Variants in KCNN2 observed in about 807,000 individuals in gnomAD.
KCNN2 encodes potassium calcium-activated channel subfamily N member 2.
A neutral mutation model predicts 55.5 loss-of-function variants in KCNN2; 24 were observed. The ratio of observed to expected loss-of-function variants is 0.43; its 90% CI spans 0.31 to 0.61. The LOEUF is 0.61. KCNN2 is among the 20% of genes least tolerant of loss of function. The probability of loss-of-function intolerance (pLI) is 0.08; values close to 1 mark genes in which losing one functional copy is unlikely to be tolerated. For missense variants in KCNN2, 754 were observed against 853.6 expected, an observed-to-expected ratio of 0.88 and a Z score of 1.45; for synonymous variants, 431 against 336.1, an observed-to-expected ratio of 1.28 and a Z score of -3.09.
intron 2 of KCNN2, among the ~76,000 whole-genome samples, chr5:114,326,874 C>A (rs1054641875): frequency 4.6e-5 from 7 of 152,108 alleles, no homozygotes; most frequent in African/African-American, 1.7e-4. Context: ...TCTGTTGCTG[C>A]TAATAGTGTA....
intron 2 of KCNN2, among the ~76,000 whole-genome samples, chr5:114,276,083 T>C (rs1468435419): frequency 1.3e-5 from 2 of 152,212 alleles, no homozygotes; most frequent in African/African-American, 2.4e-5. Flanking sequence ...CATTTCGTTA[T>C]GTATCCAGTA....
At chr5:114,162,030 T>G (rs1752797421) in intron 1 of KCNN2, among the ~76,000 whole-genome samples, 1 of 152,240 alleles carries the variant, frequency 6.6e-6, no homozygotes, top group Admixed American at 6.5e-5. Context: ...TCCAGCTTTG[T>G]TCCATTGCTG....
At chr5:114,274,356 T>G in intron 2 of KCNN2, among the ~76,000 whole-genome samples, 1 of 152,224 alleles carries the variant, frequency 6.6e-6, no homozygotes, top group East Asian at 1.9e-4. Flanking sequence ...AAAGTAGTTT[T>G]TTCCAATTTT....
chr5:114,237,073 C>A (rs530817439), intron 2 of KCNN2, among the ~76,000 whole-genome samples: 72 of 152,114 alleles, frequency 4.7e-4, no homozygotes, highest in Non-Finnish European at 9.0e-4. Context: ...TATACATGTG[C>A]AAGGGATTCT....
intron 3 of KCNN2, among the ~76,000 whole-genome samples, chr5:114,449,006 G>A (rs560807678): frequency 8.5e-5 from 13 of 152,226 alleles, no homozygotes; most frequent in Middle Eastern, 3.4e-3. Flanking sequence ...CCCTCGGCCT[G>A]CCACCCTGGA....
chr5:114,349,958 G>A (rs187106822), intron 2 of KCNN2, among the ~76,000 whole-genome samples: 1 of 151,952 alleles, frequency 6.6e-6, no homozygotes, highest in African/African-American at 2.4e-5. Flanking sequence ...TGGGTGTGAA[G>A]TATCAAATTG....
intron 1 of KCNN2, among the ~76,000 whole-genome samples, chr5:114,095,948 A>G (rs995156440): frequency 2.0e-5 from 3 of 152,102 alleles, no homozygotes; most frequent in African/African-American, 7.2e-5. Flanking sequence ...GCATATCAGT[A>G]TTACATTTAT....
chr5:114,073,477 T>A (rs1029508516), intron 1 of KCNN2, among the ~76,000 whole-genome samples: 2 of 152,212 alleles, frequency 1.3e-5, no homozygotes, highest in Non-Finnish European at 2.9e-5. Flanking sequence ...CTTATTGTTG[T>A]AATAATCTTT....
At position 114,473,175 on chromosome 5, in the gene KCNN2, A is replaced by T. The variant is rs748394221; in HGVS notation, c.1890+11A>T. 72 of 1,422,330 alleles carry T rather than the reference A, an allele frequency of 5.1e-5. No individual in the cohort carries two copies. Among genetic ancestry groups the T allele is most frequent in the Non-Finnish European group, 6.9e-5 (70 of 1,009,886 alleles). 88.1% of individuals were successfully genotyped at this position (1,422,330 alleles called of 1,614,324 possible). Reference sequence around the variant, plus strand: ...CAGCTGACTAAAAGAGTAAGTTACTATCCATATATCTTCAAAGAGAATATT... The same window carrying T: ...CAGCTGACTAAAAGAGTAAGTTACTTTCCATATATCTTCAAAGAGAATATT... On this transcript the variant is annotated intron_variant, in intron 5 of 7. Transcript: ENST00000673685.
At chr5:114,323,465 A>G (rs149187070) in intron 2 of KCNN2, among the ~76,000 whole-genome samples, 8 of 152,236 alleles carry the variant, frequency 5.3e-5, no homozygotes, top group African/African-American at 1.9e-4. Flanking sequence ...TTAAATCTTT[A>G]AAGATAATAA....
At chr5:114,284,299 T>A (rs1755687648) in intron 2 of KCNN2, among the ~76,000 whole-genome samples, 1 of 152,202 alleles carries the variant, frequency 6.6e-6, no homozygotes, top group Non-Finnish European at 1.5e-5. Context: ...TATGCCATTA[T>A]CAGAGTGAAA....
At chr5:114,492,743 C>A (rs1179966195) in intron 6 of KCNN2, among the ~76,000 whole-genome samples, 1 of 152,006 alleles carries the variant, frequency 6.6e-6, no homozygotes, top group African/African-American at 2.4e-5. Flanking sequence ...TTTATCTACA[C>A]TGAAAATGGG....
At position 114,289,229 on chromosome 5, in the gene KCNN2, G is replaced by A. The variant is rs543569984; in HGVS notation, c.-185+67664G>A. Among the ~76,000 whole-genome samples the A allele has an allele frequency of 2.6e-5, 4 of 152,026 alleles. No homozygotes were observed. The South Asian group carries it at 6.2e-4, about 24-fold the overall frequency. ...ATGTTTATCCTTATGCCAGTACCACGCTGTTTGGATTGCCATAACTTTATG... is the reference window on the plus strand; with the variant it reads ...ATGTTTATCCTTATGCCAGTACCACACTGTTTGGATTGCCATAACTTTATG... On this transcript the variant is annotated intron_variant, in intron 2 of 10. Transcript: ENST00000512097.
intron 2 of KCNN2, among the ~76,000 whole-genome samples, chr5:114,310,537 T>C (rs1457752): frequency 0.24 from 36,375 of 152,108 alleles, 4,658 homozygotes; most frequent in Non-Finnish European, 0.26. Flanking sequence ...AACACAGTTC[T>C]GGGGGACTGT....
intron 5 of KCNN2, among the ~76,000 whole-genome samples, chr5:114,474,512 T>A (rs1209858074): frequency 1.3e-5 from 2 of 152,214 alleles, no homozygotes; most frequent in East Asian, 3.9e-4. Flanking sequence ...TGTATGAGAG[T>A]GTGCAGGGAA....
In KCNN2 at chr5:114,472,558, G is replaced by C. The variant is rs200601810; in HGVS notation, c.1780-496G>C. ...CTTGTGTGTGTGGAACACTGAAGCA[G>C]TGTATATGCTGAGATAATTTATTGT... On this transcript the variant is annotated intron_variant, in intron 4 of 7. Coordinates refer to ENST00000673685, the MANE Select transcript of KCNN2 (RefSeq NM_021614.4). Among the ~76,000 whole-genome samples, 25 of 152,288 alleles carry C rather than the reference G, an allele frequency of 1.6e-4. 1 individual carries two copies. In the East Asian group the frequency reaches 4.6e-3, roughly 28 times the overall value.
At chr5:114,218,933 A>C (rs1249033011) in intron 1 of KCNN2, among the ~76,000 whole-genome samples, 2 of 152,102 alleles carry the variant, frequency 1.3e-5, no homozygotes, top group Non-Finnish European at 2.9e-5. Context: ...ACCACTCTCA[A>C]CTCCTCATGG....
intron 1 of KCNN2, among the ~76,000 whole-genome samples, chr5:114,116,261 G>C (rs1346679191): frequency 6.6e-6 from 1 of 152,006 alleles, no homozygotes; most frequent in East Asian, 1.9e-4. Context: ...ATGAATGTCA[G>C]GAAAACAAAA....
chr5:114,390,710 A>G (rs1232821464), intron 2 of KCNN2, among the ~76,000 whole-genome samples: 3 of 152,098 alleles, frequency 2.0e-5, no homozygotes, highest in African/African-American at 2.4e-5. Flanking sequence ...CACATAATCC[A>G]TACACCACAG....
Sources: allele counts gnomAD v4.1 joint callset (sites outside exome capture counted in the v4.1 genomes callset), GRCh38; gene constraint gnomAD v4.1.1; transcripts MANE v1.5; gene names NCBI Gene and HGNC (gene_info 2026-07-23, HGNC 2026-07-21).